PZP: variants seen among roughly 807,000 people sequenced by gnomAD.
PZP encodes PZP alpha-2-macroglobulin like, also known as pregnancy zone protein.
In PZP, 150 loss-of-function variants were observed where a neutral mutation model predicts 179.8. That is an observed-to-expected ratio of 0.83 (90% CI 0.73 to 0.96). The LOEUF (loss-of-function observed/expected upper bound fraction) is 0.96, where lower values mean the gene tolerates loss of function less well. PZP is among the 40% of genes least tolerant of loss of function. PZP has a pLI of 0.00. For synonymous variants in PZP, 624 were observed against 652.3 expected (o/e 0.96, Z 0.66); for missense variants, 1,689 against 1,764.0 (o/e 0.96, Z 0.76).
chr12:9,185,845 G>A (rs1429080949), intron 13 of PZP, among the ~76,000 whole-genome samples: 2 of 48,558 alleles, frequency 4.1e-5, no homozygotes, highest in African/African-American at 1.6e-4. Context: ...GTCTCACTCT[G>A]TCACCAGGCT....
intron 23 of PZP, 139 bp from the exon 24 acceptor site, chr12:9,160,629 A>G: frequency 1.2e-6 from 1 of 800,312 alleles, no homozygotes; most frequent in South Asian, 1.8e-5. Context: ...GACTTCCAGA[A>G]TCCTAATAAG....
chr12:9,161,750 G>A (rs1176572095), intron 22 of PZP, among the ~76,000 whole-genome samples: 1 of 152,130 alleles, frequency 6.6e-6, no homozygotes, highest in Non-Finnish European at 1.5e-5. Context: ...TGTGGACATA[G>A]AACTAATAAT....
intron 22 of PZP, 90 bp downstream of exon 22, chr12:9,162,507 C>T: frequency 1.1e-6 from 1 of 887,910 alleles, no homozygotes; most frequent in South Asian, 1.5e-5. Context: ...ACTCTGAAAA[C>T]TGGGAGATAA....
chr12:9,146,223 C>CT (rs1940000834), downstream of PZP, among the ~76,000 whole-genome samples: 1 of 151,398 alleles, frequency 6.6e-6, no homozygotes, highest in Non-Finnish European at 1.5e-5. Flanking sequence ...ATTTCTTTGT[C>CT]TTTTTTTCTC....
the PZP span, among the ~76,000 whole-genome samples, chr12:9,136,932 C>G: frequency 6.6e-6 from 1 of 152,044 alleles, no homozygotes; most frequent in Non-Finnish European, 1.5e-5. Flanking sequence ...GATAGCAACC[C>G]CTTGTCAGAC....
rs776801202 is a variant in PZP at position 9,197,517 on chromosome 12, TG to T, written c.756-395del. On this transcript the variant is annotated intron_variant, in intron 7 of 35. Transcript: ENST00000261336. ...TATATAAATATATTATGTATAATGT[TG>T]AAAATAATTATTAATTATTAGAGTA... 7.8e-3 allele frequency among the ~76,000 whole-genome samples: 992 copies of T among 126,932 alleles called. 27 individuals carry two copies. Among genetic ancestry groups the T allele is most frequent in the African/African-American group, 0.029 (949 of 33,252 alleles). The allele number at this position is 126,932 out of a possible 152,430, so 83.3% of individuals were successfully genotyped here.
chr12:9,187,354 A>G (rs1165806880), intron 13 of PZP, among the ~76,000 whole-genome samples: 1 of 152,188 alleles, frequency 6.6e-6, no homozygotes, highest in Non-Finnish European at 1.5e-5. Flanking sequence ...CTACAAAACT[A>G]TCCACTACAA....
At chr12:9,167,386 G>T (rs1565635923) in intron 17 of PZP, 1 of 152,156 alleles carries the variant, frequency 6.6e-6, no homozygotes, top group East Asian at 1.9e-4. Flanking sequence ...AAAGCTTTGT[G>T]TATCAGACCC....
At position 9,149,573 on chromosome 12, in the gene PZP, G is replaced by A. The variant is rs549632827; in HGVS notation, c.4414C>T (p.Pro1472Ser). 15 of 1,612,754 alleles carry A rather than the reference G, an allele frequency of 9.3e-6. No homozygotes were observed. The highest frequency in any genetic ancestry group is 1.3e-5 in the Non-Finnish European group (15 of 1,179,310). The change falls in exon 35 of 36, where the codon CCC (proline) becomes TCC (serine). Residue 1472 changes from proline to serine, a missense_variant. Transcript: ENST00000261336. ...DESVVAEYIA[P>S]CSTDTEHGNV The stretch of plus-strand genomic sequence containing the variant: ...GGTGAACTCTTACCTGTGCTGCAGG[G>A]GGCGATATACTCAGCAACCACAGAC...
chr12:9,187,107 C>G (rs1037104916), intron 13 of PZP, among the ~76,000 whole-genome samples: 2 of 143,322 alleles, frequency 1.4e-5, no homozygotes, highest in African/African-American at 2.6e-5. Context: ...AAGAGAATTG[C>G]ATAATGGTAA....
intron 23 of PZP, among the ~76,000 whole-genome samples, 159 bp from the exon 24 acceptor site, chr12:9,160,649 T>C (rs768667424): frequency 2.6e-5 from 4 of 152,338 alleles, no homozygotes; most frequent in African/African-American, 7.2e-5. Flanking sequence ...GAATAGCAGC[T>C]ATCGCCTGTA....
Position 9,170,453 on chromosome 12 carries a change from T to C in PZP, c.1840-862A>G, listed in dbSNP as rs1409066041. ...CAGGAAATCTGTTTGTATATATCCC[T>C]AGGAAGGGGGCTAAATTCAGAGAGC... On this transcript the variant is annotated intron_variant, in intron 15 of 35. Coordinates refer to ENST00000261336, the MANE Select transcript of PZP (RefSeq NM_002864.3). The surrounding 1 kb of genome is among the most constrained non-coding windows in gnomAD (Gnocchi z 4.6). 6.6e-6 allele frequency among the ~76,000 whole-genome samples: 1 copy of C among 152,124 alleles called. No individual in the cohort carries two copies. Among genetic ancestry groups the C allele is most frequent in the Non-Finnish European group, 1.5e-5 (1 of 68,008 alleles).
chr12:9,190,142 G>T (rs1391030984), intron 13 of PZP, among the ~76,000 whole-genome samples: 1 of 152,068 alleles, frequency 6.6e-6, no homozygotes, highest in Non-Finnish European at 1.5e-5. Context: ...CCAGTACTGG[G>T]TATATATCCA....
At chr12:9,141,425 A>G in the PZP span, among the ~76,000 whole-genome samples, 5 of 152,210 alleles carry the variant, frequency 3.3e-5, no homozygotes, top group African/African-American at 9.6e-5. Context: ...TAAGATTTCT[A>G]TAGACCCTTT....
At chr12:9,187,226 A>C (rs11049325) in intron 13 of PZP, among the ~76,000 whole-genome samples, 7 of 151,762 alleles carry the variant, frequency 4.6e-5, no homozygotes, top group African/African-American at 1.7e-4. Flanking sequence ...AGAGACTCAG[A>C]CTCCCACACA....
intron 26 of PZP, among the ~76,000 whole-genome samples, chr12:9,158,160 G>A (rs1940901390): frequency 6.6e-6 from 1 of 152,154 alleles, no homozygotes; most frequent in South Asian, 2.1e-4. Context: ...TTGCTATGTT[G>A]CCCAGGCTAG....
intron 2 of PZP, among the ~76,000 whole-genome samples, chr12:9,203,563 G>A (rs7298621): frequency 0.099 from 15,000 of 151,912 alleles, 831 homozygotes; most frequent in South Asian, 0.2. Context: ...GGATGGTCTC[G>A]ATCTCCTGAC....
chr12:9,194,052 CAG>C, intron 11 of PZP, 23 bp downstream of exon 11: 1 of 1,592,256 alleles, frequency 6.3e-7, no homozygotes, highest in Non-Finnish European at 8.6e-7. Flanking sequence ...CCTTTGTCCT[CAG>C]AGATTTGTCT....
rs746048985 is a variant in PZP, at chr12:9,192,233, G to C, written c.1506C>G (p.Val502=). The C allele has an allele frequency of 6.2e-7, 1 of 1,614,050 alleles. No individual in the cohort carries two copies. Among genetic ancestry groups the C allele is most frequent in the South Asian group, 1.1e-5 (1 of 91,076 alleles). The change falls in exon 13 of 36, where the codon GTC becomes GTG. Residue 502 remains valine (V), a synonymous_variant. Coordinates refer to ENST00000261336, the MANE Select transcript of PZP (RefSeq NM_002864.3). ...HYLIMAKGVI[V]RSGTHTLPVE... Reference sequence around the variant, plus strand: ...CAGGCAGAGTGTGGGTTCCAGATCTGACGATGACTCCCTTAGCCATGATCT... The same window carrying C: ...CAGGCAGAGTGTGGGTTCCAGATCTCACGATGACTCCCTTAGCCATGATCT...
Sources: gnomAD v4.1 joint callset for allele counts (sites outside exome capture counted in the v4.1 genomes callset) on GRCh38, gnomAD v4.1.1 for gene constraint, Gnocchi (gnomAD v3.1) non-coding constraint, MANE v1.5 for transcripts, NCBI Gene and HGNC (gene_info 2026-07-23, HGNC 2026-07-21) for gene names.